The following ABCB5 variants were observed in gnomAD, a reference collection of about 807,000 sequenced individuals.
The protein encoded by ABCB5 is ATP-binding cassette sub-family B member 5.
A neutral mutation model predicts 144.2 loss-of-function variants in ABCB5; 155 were observed. The observed-to-expected ratio is 1.08, with a 90% CI of 0.94 to 1.23. ABCB5 has a LOEUF of 1.23. Ranked by LOEUF, ABCB5 falls within the 50% of genes most tolerant of loss-of-function variation. The probability of loss-of-function intolerance (pLI) is 0.00; values close to 1 mark genes in which losing one functional copy is unlikely to be tolerated. For missense variants in ABCB5, 1,830 were observed against 1,520.8 expected, an observed-to-expected ratio of 1.20 and a Z score of -3.38; for synonymous variants, 610 against 528.6, an observed-to-expected ratio of 1.15 and a Z score of -2.11.
At chr7:20,719,942 TACACACACACAC>T (rs10533720) in intron 20 of ABCB5, among the ~76,000 whole-genome samples, 4 of 148,792 alleles carry the variant, frequency 2.7e-5, no homozygotes, top group Non-Finnish European at 3.0e-5. Context: ...TACCTATCAA[TACACACACACAC>T]ACACACACAC....
At chr7:20,711,235 C>T (rs1787017662) in intron 20 of ABCB5, among the ~76,000 whole-genome samples, 1 of 149,212 alleles carries the variant, frequency 6.7e-6, no homozygotes, top group African/African-American at 2.5e-5. Flanking sequence ...ACGTAGCTAA[C>T]ATTTCTGGTC....
In ABCB5 at chr7:20,753,490, A is replaced by G. The variant is rs58795451; in HGVS notation, c.3560A>G (p.Asp1187Gly). The change falls in exon 27 of 28, where the codon GAT (aspartate) becomes GGT (glycine). Residue 1187 changes from aspartate to glycine, a missense_variant. Physicochemically the swap from Asp to Gly is moderately conservative, Grantham distance 94. Coordinates refer to ENST00000404938, the MANE Select transcript of ABCB5 (RefSeq NM_001163941.2). The part of the protein sequence containing the change: ...LLLDEATSAL[D>G]NDSEKVVQHA... ...TTGGATGAGGCCACTTCAGCCCTCG[A>G]TAATGACAGTGAGAAGGTAACATCA... The G allele has an allele frequency of 6.3e-3, 10,170 of 1,613,378 alleles. 496 individuals carry two copies. The African/African-American group carries it at 0.11, about 18-fold the overall frequency.
At chr7:20,732,511 A>T (rs1234550289) in intron 23 of ABCB5, among the ~76,000 whole-genome samples, 1 of 152,228 alleles carries the variant, frequency 6.6e-6, no homozygotes, top group African/African-American at 2.4e-5. Context: ...GACACACAAT[A>T]AATATTTATT....
At chr7:20,668,622 C>CCG (rs1277557177) in intron 14 of ABCB5, among the ~76,000 whole-genome samples, 1 of 147,990 alleles carries the variant, frequency 6.8e-6, no homozygotes, top group Non-Finnish European at 1.5e-5. Context: ...GCCCGGCCAG[C>CCG]CGCCCCGTCC....
In ABCB5 at chr7:20,710,800, G is replaced by T. The variant is rs188190245; in HGVS notation, c.2421+5993G>T. On this transcript the variant is annotated intron_variant, in intron 20 of 27. Coordinates refer to ENST00000404938, the MANE Select transcript of ABCB5 (RefSeq NM_001163941.2). ...TGGTTATCAAAATGATTAGGTTTAA[G>T]TCTCTCATTTTGCAATTTGCTCTTT... Among the ~76,000 whole-genome samples, 20 of 150,274 alleles carry T rather than the reference G, an allele frequency of 1.3e-4. 2 individuals carry two copies. The highest frequency in any genetic ancestry group is 4.4e-4 in the African/African-American group (18 of 40,852).
At chr7:20,724,046 G>T (rs1290957170) in intron 21 of ABCB5, among the ~76,000 whole-genome samples, 2 of 152,090 alleles carry the variant, frequency 1.3e-5, no homozygotes, top group African/African-American at 4.8e-5. Flanking sequence ...TGAAGTAGGA[G>T]TCCCTTGCAC....
At chr7:20,690,723 C>G (rs1786190619) in intron 16 of ABCB5, among the ~76,000 whole-genome samples, 1 of 152,058 alleles carries the variant, frequency 6.6e-6, no homozygotes, top group Non-Finnish European at 1.5e-5. Context: ...AAGAGTAGGA[C>G]AGGGGAATGA....
intron 14 of ABCB5, among the ~76,000 whole-genome samples, chr7:20,674,654 G>A (rs373643859): frequency 1.2e-4 from 18 of 149,750 alleles, no homozygotes; most frequent in African/African-American, 4.4e-4. Context: ...TCTTAGCCAG[G>A]GCAATTAGGC....
At chr7:20,646,397 C>T (rs1250801683) in intron 9 of ABCB5, among the ~76,000 whole-genome samples, 2 of 152,190 alleles carry the variant, frequency 1.3e-5, no homozygotes, top group Admixed American at 6.5e-5. Flanking sequence ...GAATTCCCCA[C>T]TGGGAAATAC....
chr7:20,628,211 A>G (rs1464755355), intron 3 of ABCB5, among the ~76,000 whole-genome samples: 1 of 148,176 alleles, frequency 6.7e-6, no homozygotes, highest in African/African-American at 2.5e-5. Context: ...CCCTGTGTCC[A>G]TGTGTTCTCA....
chr7:20,629,713 G>T (rs376312892), intron 4 of ABCB5, among the ~76,000 whole-genome samples: 1 of 152,146 alleles, frequency 6.6e-6, no homozygotes, highest in Middle Eastern at 3.4e-3. Flanking sequence ...ATTGAGCCAA[G>T]ATTGCACCAT....
intron 24 of ABCB5, among the ~76,000 whole-genome samples, chr7:20,739,649 C>A (rs1198059658): frequency 2.6e-5 from 4 of 151,796 alleles, no homozygotes; most frequent in African/African-American, 9.7e-5. Flanking sequence ...AAGATTGATT[C>A]TTATACTGAA....
At chr7:20,717,761 A>AT (rs1781723530) in intron 20 of ABCB5, among the ~76,000 whole-genome samples, 1 of 150,930 alleles carries the variant, frequency 6.6e-6, no homozygotes, top group Non-Finnish European at 1.5e-5. Context: ...TTACAAGAAT[A>AT]TCTATCAGGT....
At chr7:20,685,098 G>A (rs569929432) in intron 15 of ABCB5, among the ~76,000 whole-genome samples, 1 of 152,290 alleles carries the variant, frequency 6.6e-6, no homozygotes, top group Admixed American at 6.5e-5. Flanking sequence ...TGATCCGCAC[G>A]TCTCGGTTTC....
At position 20,723,221 on chromosome 7, in the gene ABCB5, TA is replaced by T; in HGVS notation, c.2625+6del. 4 of 1,613,736 alleles carry T rather than the reference TA, an allele frequency of 2.5e-6. No individual in the cohort carries two copies. Among genetic ancestry groups the T allele is most frequent in the Non-Finnish European group, 3.4e-6 (4 of 1,179,840 alleles). Reference sequence around the variant, plus strand: ...CAAGAACTTAAGCATGCTGGAAAGGTAAAATGAAGACTGTTATCACCATCGT... The same window carrying T: ...CAAGAACTTAAGCATGCTGGAAAGGTAAATGAAGACTGTTATCACCATCGT... On this transcript the variant is annotated splice_donor_region_variant and intron_variant, in intron 21 of 27. Coordinates refer to ENST00000404938, the MANE Select transcript of ABCB5 (RefSeq NM_001163941.2).
chr7:20,658,843 T>A (rs1170420967), intron 14 of ABCB5, among the ~76,000 whole-genome samples, 167 bp downstream of exon 14: 1 of 152,030 alleles, frequency 6.6e-6, no homozygotes, highest in Non-Finnish European at 1.5e-5. Context: ...TAGGAAGTGG[T>A]TTAGAGGACA....
rs973089988 is a variant in ABCB5, at chr7:20,659,463, AT to A, written c.1707+788del. The A allele has an allele frequency of 1.2e-4, 128 of 1,078,842 alleles. No homozygotes were observed. The African/African-American group carries it at 2.0e-3, about 17-fold the overall frequency. The allele number at this position is 1,078,842 out of a possible 1,614,324, so 66.8% of individuals were successfully genotyped here. A position where few individuals can be genotyped will look rare whatever the true frequency, so the allele number is the denominator to read the frequency against. On this transcript the variant is annotated intron_variant, in intron 14 of 27. Transcript: ENST00000404938. ...GCTGACTTTATGGAACCAGAAACGG[AT>A]ACTGGCAGGCTAAATGTCCACTGCT...
intron 20 of ABCB5, among the ~76,000 whole-genome samples, chr7:20,707,111 C>T (rs953746512): frequency 3.3e-5 from 5 of 152,120 alleles, no homozygotes; most frequent in African/African-American, 1.2e-4. Context: ...TATTTCCTAT[C>T]ATATTGACTT....
intron 14 of ABCB5, chr7:20,660,095 AACTAGTTCAG>A: frequency 1.0e-6 from 1 of 985,098 alleles, no homozygotes; most frequent in Non-Finnish European, 1.2e-6. Flanking sequence ...AGGTAATCAA[AACTAGTTCAG>A]ACTTTTAAAA....
Sources: gnomAD v4.1 joint callset for allele counts (sites outside exome capture counted in the v4.1 genomes callset) on GRCh38, gnomAD v4.1.1 for gene constraint, MANE v1.5 for transcripts, NCBI Gene and HGNC (gene_info 2026-07-23, HGNC 2026-07-21) for gene names.